The following TBX6 variants were observed in gnomAD, a reference collection of about 807,000 sequenced individuals.
TBX6 encodes T-box transcription factor 6, also known as T-box transcription factor TBX6.
A neutral mutation model predicts 42.3 loss-of-function variants in TBX6; 29 were observed. The ratio of observed to expected loss-of-function variants is 0.69; its 90% CI spans 0.51 to 0.93. The LOEUF (loss-of-function observed/expected upper bound fraction) is 0.93, where lower values mean the gene tolerates loss of function less well. Ranked by LOEUF, TBX6 falls within the 40% of genes least tolerant of loss-of-function variation. TBX6 has a pLI of 0.00. For missense variants in TBX6, 569 were observed against 603.3 expected (o/e 0.94, Z 0.59); for synonymous variants, 249 against 245.1 (o/e 1.02, Z -0.15).
In TBX6 at chr16:30,086,020, C is replaced by CA. The variant is rs2072620052; in HGVS notation, c.*204dup. On this transcript the variant is annotated 3_prime_UTR_variant, in exon 9 of 9. Coordinates refer to ENST00000395224, the MANE Select transcript of TBX6 (RefSeq NM_004608.4). This position sits in a 1 kb window ranked among gnomAD's most constrained non-coding sequence, Gnocchi z 4.6. ...AGAGCCGGGAAGGGGAAGCCGGCCC[C>CA]AGCTGGACTCCCAGCAGCCTTGGTT... 1.4e-5 allele frequency: 8 copies of CA among 558,834 alleles called. No homozygotes were observed. The highest frequency in any genetic ancestry group is 2.2e-5 in the Non-Finnish European group (7 of 323,300). 34.6% of individuals were successfully genotyped at this position (558,834 alleles called of 1,614,324 possible).
intron 6 of TBX6, among the ~76,000 whole-genome samples, chr16:30,087,575 G>A (rs538616969): frequency 1.4e-4 from 22 of 152,288 alleles, no homozygotes; most frequent in Non-Finnish European, 2.6e-4. Flanking sequence ...CAGCTCTGAG[G>A]TGCTGCACTT....
chr16:30,086,824 T>C lies in TBX6; in HGVS notation c.867A>G (p.Lys289=), dbSNP rs61736370. Residue 289 remains lysine (K), a synonymous_variant, in exon 7 of 9, where the codon AAA becomes AAG. Transcript: ENST00000395224. The surrounding 1 kb of genome is among the most constrained non-coding windows in gnomAD (Gnocchi z 4.6). ...KRERDARVKR[K]LRGPEPAATE... ...TGGCTGCTGGCTCTGGGCCCCGCAGTTTCCTCTTCACACGGGCGTCTCGCT... is the reference window on the plus strand; with the variant it reads ...TGGCTGCTGGCTCTGGGCCCCGCAGCTTCCTCTTCACACGGGCGTCTCGCT... The C allele has an allele frequency of 4.4e-3, 7,062 of 1,613,640 alleles. 84 individuals carry two copies. The highest frequency in any genetic ancestry group is 0.031 in the South Asian group (2,836 of 91,022).
chr16:30,087,063 C>T (rs2072646019), intron 6 of TBX6, among the ~76,000 whole-genome samples: 1 of 152,162 alleles, frequency 6.6e-6, no homozygotes, highest in African/African-American at 2.4e-5. Flanking sequence ...TCAAATTTGT[C>T]CATGCTTTCC....
Position 30,090,811 on chromosome 16 carries a change from T to C in TBX6, c.300A>G (p.Leu100=). The C allele has an allele frequency of 1.2e-6, 2 of 1,603,358 alleles. No individual in the cohort carries two copies. The highest frequency in any genetic ancestry group is 1.7e-6 in the Non-Finnish European group (2 of 1,174,642). The change falls in exon 3 of 9, where the codon CTA becomes CTG. Residue 100 remains leucine, a synonymous_variant. Coordinates refer to ENST00000395224, the MANE Select transcript of TBX6 (RefSeq NM_004608.4). ...TTCCCACAGAGCTGAACTCCTTCCA[T>C]AGCTCCCGGTTCTCCAGGCTCAGGC... ...GVSLSLENRE[L]WKEFSSVGTE...
intron 1 of TBX6, 133 bp from the exon 2 acceptor site, chr16:30,091,374 G>A (rs1438259139): frequency 1.7e-6 from 1 of 580,580 alleles, no homozygotes; most frequent in Non-Finnish European, 3.0e-6. Flanking sequence ...CCGAGAGGGG[G>A]TCGGATACCT....
At chr16:30,091,501 A>G (rs1382389102) in intron 1 of TBX6, 1 of 274,650 alleles carries the variant, frequency 3.6e-6, no homozygotes. Flanking sequence ...GGGCTCGGAC[A>G]GGGACGCAGT....
chr16:30,090,883 C>T lies in TBX6; in HGVS notation c.228G>A (p.Glu76=). 1 of 1,610,138 alleles carries T rather than the reference C, an allele frequency of 6.2e-7. No individual in the cohort carries two copies. Among genetic ancestry groups the T allele is most frequent in the East Asian group, 2.2e-5 (1 of 44,852 alleles). The change falls in exon 3 of 9, where the codon GAG becomes GAA. Residue 76 remains glutamate, a synonymous_variant. Coordinates refer to ENST00000395224, the MANE Select transcript of TBX6 (RefSeq NM_004608.4). The part of the protein sequence containing the change: ...LPLLPPAMGT[E]PAPSAPEALH... ...GGGCCTCTGGAGCTGATGGGGCCGGCTCAGTGCCCATGGCAGGGGGCAGAA... is the reference window on the plus strand; with the variant it reads ...GGGCCTCTGGAGCTGATGGGGCCGGTTCAGTGCCCATGGCAGGGGGCAGAA...
At position 30,086,284 on chromosome 16, in the gene TBX6, G is replaced by A. The variant is rs1222611564; in HGVS notation, c.1252C>T (p.Pro418Ser). 1.2e-6 allele frequency: 2 copies of A among 1,611,886 alleles called. No individual in the cohort carries two copies. Among genetic ancestry groups the A allele is most frequent in the Non-Finnish European group, 1.7e-6 (2 of 1,179,522 alleles). The change falls in exon 9 of 9, where the codon CCT becomes TCT. Residue 418 changes from proline to serine, a missense_variant. This residue lies in a region of TBX6 where 245 missense variants were observed against 227.4 expected (regional missense o/e 1.08). Transcript: ENST00000395224. This position sits in a 1 kb window ranked among gnomAD's most constrained non-coding sequence, Gnocchi z 4.6. ...CCCCCAGGCGCGGTGTATGGTAGAG[G>A]GAAGGGGCCCCCTTGGAGAAAGTGC... ...APHFLQGGPF[P>S]LPYTAPGGYL...
intron 3 of TBX6, among the ~76,000 whole-genome samples, chr16:30,090,553 C>A (rs529378841): frequency 1.3e-5 from 2 of 152,276 alleles, no homozygotes; most frequent in African/African-American, 4.8e-5. Context: ...CAGCCACAGA[C>A]TCCACAGACT....
intron 3 of TBX6, 127 bp from the exon 4 acceptor site, chr16:30,089,337 T>C (rs2151032945): frequency 7.8e-7 from 1 of 1,285,798 alleles, no homozygotes; most frequent in Non-Finnish European, 1.1e-6. Context: ...GAGGTGGAAT[T>C]AGAACCCAGA....
rs1319647043 is a variant in TBX6 at position 30,086,617 on chromosome 16, C to T, written c.992G>A (p.Gly331Glu). The T allele has an allele frequency of 6.3e-7, 1 of 1,593,780 alleles. No individual in the cohort carries two copies. Among genetic ancestry groups the T allele is most frequent in the African/African-American group, 1.4e-5 (1 of 73,646 alleles). ...ESDPEQAPAP[G>E]EATAAPAPLC... ...AGGTGCCGGGGCAGCGGTGGCTTCC[C>T]CGGGGGCTGGGGCCTGTTCTGGATC... is the stretch of plus-strand genomic sequence containing the variant. The change falls in exon 8 of 9, where the codon GGG (glycine) becomes GAG (glutamate). Residue 331 changes from glycine to glutamate, a missense_variant. Coordinates refer to ENST00000395224, the MANE Select transcript of TBX6 (RefSeq NM_004608.4). The surrounding 1 kb of genome is among the most constrained non-coding windows in gnomAD (Gnocchi z 4.6).
intron 3 of TBX6, among the ~76,000 whole-genome samples, chr16:30,089,416 CTT>C (rs1045788849): frequency 2.6e-5 from 4 of 152,158 alleles, no homozygotes; most frequent in African/African-American, 9.7e-5. Flanking sequence ...GGGAGGATCT[CTT>C]GAGTCAGGAA....
chr16:30,088,634 G>A lies in TBX6; in HGVS notation c.769-19C>T, dbSNP rs771148994. The A allele has an allele frequency of 3.7e-6, 6 of 1,614,122 alleles. No homozygotes were observed. Among genetic ancestry groups the A allele is most frequent in the South Asian group, 1.1e-5 (1 of 91,080 alleles). On this transcript the variant is annotated intron_variant, in intron 5 of 8. Transcript: ENST00000395224. The surrounding 1 kb of genome is among the most constrained non-coding windows in gnomAD (Gnocchi z 4.1). ...GTGTGATCTGGGGACACACATGCAG[G>A]GTCAAAGCAACTGCGGTCTGGGCAG...
rs1409431672 is a variant in TBX6 at position 30,091,371 on chromosome 16, G to A, written c.-48-130C>T. 25 of 585,056 alleles carry A rather than the reference G, an allele frequency of 4.3e-5. No homozygotes were observed. The South Asian group carries it at 5.0e-4, about 12-fold the overall frequency. 36.2% of individuals were successfully genotyped at this position (585,056 alleles called of 1,614,324 possible). ...CTGGGGCCTCGAAGGGGTCCGAGAG[G>A]GGGTCGGATACCTGGGTACGGTCCC... On this transcript the variant is annotated intron_variant, in intron 1 of 8. Transcript: ENST00000395224.
intron 3 of TBX6, 21 bp downstream of exon 3, chr16:30,090,737 G>C: frequency 6.2e-7 from 1 of 1,606,204 alleles, no homozygotes; most frequent in African/African-American, 1.3e-5. Context: ...CCAGAAACAC[G>C]GACCCTGGCC....
chr16:30,086,038 C>T lies in TBX6; in HGVS notation c.*187G>A. On this transcript the variant is annotated 3_prime_UTR_variant, in exon 9 of 9. Transcript: ENST00000395224. This position sits in a 1 kb window ranked among gnomAD's most constrained non-coding sequence, Gnocchi z 4.6. The stretch of plus-strand genomic sequence containing the variant: ...CCGGCCCCAGCTGGACTCCCAGCAG[C>T]CTTGGTTAGGCTTTGAAGCCAGAGG... The T allele has an allele frequency of 5.1e-6, 3 of 590,298 alleles. No homozygotes were observed. Among genetic ancestry groups the T allele is most frequent in the Non-Finnish European group, 2.9e-6 (1 of 344,366 alleles). The allele number at this position is 590,298 out of a possible 1,614,324, so 36.6% of individuals were successfully genotyped here. A position where few individuals can be genotyped will look rare whatever the true frequency, so the allele number is the denominator to read the frequency against.
chr16:30,086,853 T>C lies in TBX6; in HGVS notation c.840-2A>G, dbSNP rs1300360005. ...CTCTTCACACGGGCGTCTCGCTCCC[T>C]GGGGAACAGTGGTGGTGATGATGAT... is the stretch of plus-strand genomic sequence containing the variant. On this transcript the variant is annotated splice_acceptor_variant, in intron 6 of 8. Coordinates refer to ENST00000395224, the MANE Select transcript of TBX6 (RefSeq NM_004608.4). LOFTEE classifies it high-confidence loss of function. The surrounding 1 kb of genome is among the most constrained non-coding windows in gnomAD (Gnocchi z 4.6). 6.2e-7 allele frequency: 1 copy of C among 1,601,432 alleles called. No individual in the cohort carries two copies. The highest frequency in any genetic ancestry group is 2.3e-5 in the East Asian group (1 of 44,440).
intron 3 of TBX6, 37 bp downstream of exon 3, chr16:30,090,721 C>T (rs2072708132): frequency 1.3e-6 from 2 of 1,592,706 alleles, no homozygotes; most frequent in Admixed American, 1.8e-5. Flanking sequence ...TCCCAAGAGA[C>T]CCCCACCAGA....
At position 30,086,642 on chromosome 16, in the gene TBX6, C is replaced by T. The variant is rs2072635894; in HGVS notation, c.967G>A (p.Asp323Asn). The change falls in exon 8 of 9, where the codon GAT (aspartate) becomes AAT (asparagine). Residue 323 changes from aspartate to asparagine, a missense_variant. This residue lies in a region of TBX6 where 245 missense variants were observed against 227.4 expected (regional missense o/e 1.08). Coordinates refer to ENST00000395224, the MANE Select transcript of TBX6 (RefSeq NM_004608.4). The surrounding 1 kb of genome is among the most constrained non-coding windows in gnomAD (Gnocchi z 4.6). ...CCGGGGGCTGGGGCCTGTTCTGGATCTGATTCACGAATGTCTCCACCCAGG... is the reference window on the plus strand; with the variant it reads ...CCGGGGGCTGGGGCCTGTTCTGGATTTGATTCACGAATGTCTCCACCCAGG... ...STLGGDIRES[D>N]PEQAPAPGEA... 26 of 1,608,104 alleles carry T rather than the reference C, an allele frequency of 1.6e-5. No homozygotes were observed. Among genetic ancestry groups the T allele is most frequent in the Non-Finnish European group, 2.2e-5 (26 of 1,177,908 alleles).
Sources: allele counts gnomAD v4.1 joint callset (sites outside exome capture counted in the v4.1 genomes callset), GRCh38; gene constraint gnomAD v4.1.1; regional missense constraint gnomAD v4.1.1; non-coding constraint Gnocchi (gnomAD v3.1); transcripts MANE v1.5; gene names NCBI Gene and HGNC (gene_info 2026-07-23, HGNC 2026-07-21).